PPM1F: variants seen among roughly 807,000 people sequenced by gnomAD.
The protein encoded by PPM1F is protein phosphatase, Mg2+/Mn2+ dependent 1F.
A neutral mutation model predicts 35.5 loss-of-function variants in PPM1F; 17 were observed. The ratio of observed to expected loss-of-function variants is 0.48; its 90% CI spans 0.33 to 0.72. The LOEUF (loss-of-function observed/expected upper bound fraction) is 0.72, where lower values mean the gene tolerates loss of function less well. Ranked by LOEUF, PPM1F falls within the 30% of genes least tolerant of loss-of-function variation. PPM1F has a pLI of 0.02. For missense variants in PPM1F, 521 were observed against 613.0 expected (o/e 0.85, Z 1.59); for synonymous variants, 241 against 255.5 (o/e 0.94, Z 0.54).
intron 4 of PPM1F, 110 bp from the exon 5 acceptor site, chr22:21,933,689 C>G (rs913150937): frequency 9.6e-7 from 1 of 1,042,374 alleles, no homozygotes; most frequent in Non-Finnish European, 1.4e-6. Context: ...GTATGGCCTT[C>G]GCCCGGCTTA....
chr22:21,930,881 CTGCACTGACTGCACTGGGA>C (rs1601781061), intron 6 of PPM1F, among the ~76,000 whole-genome samples: 1 of 152,164 alleles, frequency 6.6e-6, no homozygotes, highest in African/African-American at 2.4e-5. Flanking sequence ...CTGCACTGGG[CTGCACTGACTGCACTGGGA>C]TGCCTGTCAG....
chr22:21,938,088 G>C, intron 3 of PPM1F: 1 of 1,286,566 alleles, frequency 7.8e-7, no homozygotes, highest in Non-Finnish European at 1.0e-6. Context: ...TCTGACAGAC[G>C]GGGAAGCAAG....
rs779160781 is a variant in PPM1F at position 21,933,604 on chromosome 22, C to T, written c.559-25G>A. On this transcript the variant is annotated intron_variant, in intron 4 of 7. Transcript: ENST00000263212. ...CCTGGTGGGGATGTGGTGGGAGTCA[C>T]AGACCCGCGGGACCCAGGGTGCTCC... 2.8e-5 allele frequency: 45 copies of T among 1,593,544 alleles called. No individual in the cohort carries two copies. In the Admixed American group the frequency reaches 7.6e-4, roughly 27 times the overall value.
At chr22:21,945,780 T>C in intron 2 of PPM1F, 63 bp downstream of exon 2, 3 of 1,532,002 alleles carry the variant, frequency 2.0e-6, no homozygotes, top group Non-Finnish European at 2.7e-6. Context: ...AGCAGCCACA[T>C]CCCTTGTCGG....
At chr22:21,929,337 C>T (rs2070560423) in intron 6 of PPM1F, among the ~76,000 whole-genome samples, 1 of 152,324 alleles carries the variant, frequency 6.6e-6, no homozygotes, top group East Asian at 1.9e-4. Flanking sequence ...GTGTGTGCTT[C>T]TCTTGTGCAA....
At chr22:21,930,054 A>C (rs766878006) in intron 6 of PPM1F, among the ~76,000 whole-genome samples, 1 of 152,252 alleles carries the variant, frequency 6.6e-6, no homozygotes, top group Non-Finnish European at 1.5e-5. Flanking sequence ...AACTGATAAG[A>C]AAAACAGGCA....
chr22:21,948,456 T>C (rs1008713879), intron 1 of PPM1F: 1 of 152,194 alleles, frequency 6.6e-6, no homozygotes, highest in Non-Finnish European at 1.5e-5. Flanking sequence ...GGAGCCCTAG[T>C]AGGTCAATGA....
intron 6 of PPM1F, among the ~76,000 whole-genome samples, chr22:21,927,030 G>A (rs1401940025): frequency 6.6e-6 from 1 of 152,240 alleles, no homozygotes; most frequent in Non-Finnish European, 1.5e-5. Context: ...CCATGAGCCT[G>A]TGTGGGAACT....
chr22:21,925,473 C>A, intron 7 of PPM1F, 96 bp downstream of exon 7: 1 of 1,006,128 alleles, frequency 9.9e-7, no homozygotes, highest in Non-Finnish European at 1.5e-6. Context: ...GCCCATCACA[C>A]TGCCTCCCTG....
chr22:21,932,652 G>A (rs760189085), intron 5 of PPM1F: 2 of 152,222 alleles, frequency 1.3e-5, no homozygotes, highest in Admixed American at 1.3e-4. Context: ...AGTTCACAGA[G>A]GAGGGGCCTG....
chr22:21,926,553 C>T (rs543676051), intron 6 of PPM1F, among the ~76,000 whole-genome samples: 27 of 152,216 alleles, frequency 1.8e-4, no homozygotes, highest in Middle Eastern at 6.8e-3. Flanking sequence ...ACCCACAAGT[C>T]CTCTAGAAAC....
chr22:21,946,225 G>C, intron 1 of PPM1F, 117 bp from the exon 2 acceptor site: 1 of 497,568 alleles, frequency 2.0e-6, no homozygotes. Flanking sequence ...GCCACTAGAG[G>C]GTGGAGGGAC....
chr22:21,924,169 G>A (rs529150569), intron 7 of PPM1F, among the ~76,000 whole-genome samples: 1 of 152,056 alleles, frequency 6.6e-6, no homozygotes, highest in Non-Finnish European at 1.5e-5. Context: ...GGGAGGGAGA[G>A]ATTTTCTAAG....
chr22:21,925,781 C>G, intron 6 of PPM1F, 119 bp from the exon 7 acceptor site: 1 of 744,056 alleles, frequency 1.3e-6, no homozygotes, highest in Non-Finnish European at 2.1e-6. Context: ...AGCCGCAGCA[C>G]TGGAACAAAG....
chr22:21,950,505 C>T (rs968994021), intron 1 of PPM1F: 4 of 151,838 alleles, frequency 2.6e-5, no homozygotes, highest in Non-Finnish European at 5.9e-5. Flanking sequence ...AGAAAAAATA[C>T]TTGTTGAGTC....
At chr22:21,945,373 C>T (rs929794780) in intron 2 of PPM1F, 1 of 156,950 alleles carries the variant, frequency 6.4e-6, no homozygotes, top group South Asian at 1.7e-4. Flanking sequence ...GGAGGGCAGC[C>T]CCTGGTCCAA....
At chr22:21,944,762 G>A (rs1406792273) in intron 2 of PPM1F, 1 of 152,244 alleles carries the variant, frequency 6.6e-6, no homozygotes, top group Non-Finnish European at 1.5e-5. Context: ...CTTCCAGAAT[G>A]AATGAATAAA....
At position 21,933,965 on chromosome 22, in the gene PPM1F, C is replaced by G. The variant is rs575311162; in HGVS notation, c.558+59G>C. The G allele has an allele frequency of 3.3e-5, 48 of 1,475,536 alleles. No homozygotes were observed. The African/African-American group carries it at 5.7e-4, about 18-fold the overall frequency. 91.4% of individuals were successfully genotyped at this position (1,475,536 alleles called of 1,614,324 possible). A position where few individuals can be genotyped will look rare whatever the true frequency, so the allele number is the denominator to read the frequency against. Reference sequence around the variant, plus strand: ...GCAGCTCTTCTCGGTACCTGGGGGGCCCCCACCCTCGCCCCGGTCCTCCGA... The same window carrying G: ...GCAGCTCTTCTCGGTACCTGGGGGGGCCCCACCCTCGCCCCGGTCCTCCGA... On this transcript the variant is annotated intron_variant, in intron 4 of 7. Transcript: ENST00000263212.
At chr22:21,923,680 CT>C (rs75904175) in intron 7 of PPM1F, among the ~76,000 whole-genome samples, 6,469 of 151,994 alleles carry the variant, frequency 0.043, 320 homozygotes, top group East Asian at 0.22. Context: ...TGAGCTCCCC[CT>C]TTTTTTCTTT....
Sources: allele counts gnomAD v4.1 joint callset (sites outside exome capture counted in the v4.1 genomes callset), GRCh38; gene constraint gnomAD v4.1.1; transcripts MANE v1.5; gene names NCBI Gene and HGNC (gene_info 2026-07-23, HGNC 2026-07-21).